Variants in NUMB observed in about 807,000 individuals in gnomAD.
The protein encoded by NUMB is protein numb homolog.
In NUMB, 29 loss-of-function variants were observed where a neutral mutation model predicts 59.7. The ratio of observed to expected loss-of-function variants is 0.49; its 90% confidence interval spans 0.36 to 0.66. NUMB has a LOEUF of 0.66. NUMB is among the 30% of genes least tolerant of loss of function. The probability of loss-of-function intolerance (pLI) is 0.00; values close to 1 mark genes in which losing one functional copy is unlikely to be tolerated. For missense variants in NUMB, 723 were observed against 822.0 expected (o/e 0.88, Z 1.47); for synonymous variants, 288 against 288.2 (o/e 1.00, Z 0.01).
chr14:73,357,276 A>G (rs1893843815), intron 3 of NUMB, among the ~76,000 whole-genome samples: 2 of 151,284 alleles, frequency 1.3e-5, no homozygotes, highest in South Asian at 2.1e-4. Context: ...GGTGGCATGC[A>G]CCTGTGATCC....
rs1172254479 is a variant in NUMB at position 73,350,074 on chromosome 14, T to TACACACACACACACACAC, written c.126+5551_126+5552insGTGTGTGTGTGTGTGTGT. The stretch of plus-strand genomic sequence containing the variant: ...ATACATACATATATACATACATACA[T>TACACACACACACACACAC]ACATACACACACACACACACACACA... On this transcript the variant is annotated intron_variant, in intron 4 of 12. Transcript: ENST00000555238. 8.4e-3 allele frequency among the ~76,000 whole-genome samples: 1,100 copies of TACACACACACACACACAC among 131,010 alleles called. 18 individuals are homozygous for TACACACACACACACACAC. The highest frequency in any genetic ancestry group is 0.032 in the African/African-American group (1,031 of 32,496). 85.9% of individuals were successfully genotyped at this position (131,010 alleles called of 152,430 possible).
intron 8 of NUMB, among the ~76,000 whole-genome samples, chr14:73,292,415 C>T (rs1889460936): frequency 6.6e-6 from 1 of 152,166 alleles, no homozygotes; most frequent in African/African-American, 2.4e-5. Context: ...TGTTAGCCAA[C>T]AAATACATTT....
At chr14:73,329,095 C>T (rs1252413205) in intron 4 of NUMB, among the ~76,000 whole-genome samples, 3 of 152,082 alleles carry the variant, frequency 2.0e-5, no homozygotes, top group Non-Finnish European at 4.4e-5. Context: ...CTGGAACTCC[C>T]GACCTCAGGT....
chr14:73,286,428 T>C (rs1185541951), intron 9 of NUMB: 1 of 152,316 alleles, frequency 6.6e-6, no homozygotes. Context: ...AATTCAAAAG[T>C]ATTTTCAAGC....
chr14:73,325,718 G>A (rs1463440751), intron 4 of NUMB, among the ~76,000 whole-genome samples: 2 of 152,180 alleles, frequency 1.3e-5, no homozygotes, highest in Non-Finnish European at 2.9e-5. Context: ...CTCTAGCTCT[G>A]GTTTGAGGAC....
chr14:73,355,720 T>G lies in NUMB; in HGVS notation c.32A>C (p.Lys11Thr), dbSNP rs761404849. 6.2e-7 allele frequency: 1 copy of G among 1,613,356 alleles called. No individual in the cohort carries two copies. The highest frequency in any genetic ancestry group is 1.1e-5 in the South Asian group (1 of 91,038). Residue 11 changes from lysine (K) to threonine (T), a missense_variant, in exon 4 of 13, where the codon AAG (lysine) becomes ACG (threonine). Lys to Thr is a moderately conservative substitution (Grantham distance 78, BLOSUM62 -1). Coordinates refer to ENST00000555238, the MANE Select transcript of NUMB (RefSeq NM_001005743.2). MNKLRQSFRR[K>T]KDVYVPEASR... Reference sequence around the variant, plus strand: ...GGCCTCTGGAACATAAACATCCTTCTTTCTCCTAAAACTTTGCCGTAATTT... The same window carrying G: ...GGCCTCTGGAACATAAACATCCTTCGTTCTCCTAAAACTTTGCCGTAATTT...
At chr14:73,371,592 T>C (rs1056266893) in intron 2 of NUMB, among the ~76,000 whole-genome samples, 2 of 152,036 alleles carry the variant, frequency 1.3e-5, no homozygotes, top group African/African-American at 2.4e-5. Context: ...CTTAGTTATG[T>C]GTGTTAATTG....
chr14:73,405,435 CTTTT>C (rs56778084), intron 2 of NUMB, among the ~76,000 whole-genome samples: 14 of 127,414 alleles, frequency 1.1e-4, no homozygotes, highest in Non-Finnish European at 1.8e-4. Context: ...TTTTCTTTCT[CTTTT>C]TTTTTTTTTT....
At chr14:73,371,311 T>C (rs768399673) in intron 2 of NUMB, among the ~76,000 whole-genome samples, 10 of 152,004 alleles carry the variant, frequency 6.6e-5, no homozygotes, top group Non-Finnish European at 1.5e-4. Context: ...CCGAGGTGGG[T>C]GGATCACAAG....
chr14:73,433,230 T>C (rs1897908760), intron 1 of NUMB, among the ~76,000 whole-genome samples: 1 of 151,822 alleles, frequency 6.6e-6, no homozygotes, highest in Admixed American at 6.6e-5. Context: ...AAGACCAGTC[T>C]GGCCAACATG....
At chr14:73,350,078 TACACACAC>T (rs71112732) in intron 4 of NUMB, among the ~76,000 whole-genome samples, 2 of 137,768 alleles carry the variant, frequency 1.5e-5, no homozygotes, top group South Asian at 2.5e-4. Context: ...CATACATACA[TACACACAC>T]ACACACACAC....
intron 2 of NUMB, among the ~76,000 whole-genome samples, chr14:73,379,600 C>T (rs1042412137): frequency 3.3e-5 from 5 of 152,112 alleles, no homozygotes; most frequent in Non-Finnish European, 7.3e-5. Context: ...AGTTAAGAGA[C>T]GGCTTCATTT....
Position 73,395,037 on chromosome 14 carries a change from T to TTATGTGTGTGTGTGTG in NUMB, c.-101+14899_-101+14900insCACACACACACACATA, listed in dbSNP as rs1230785169. 3.1e-3 allele frequency among the ~76,000 whole-genome samples: 377 copies of TTATGTGTGTGTGTGTG among 119,992 alleles called. 14 individuals are homozygous for TTATGTGTGTGTGTGTG. Among genetic ancestry groups the TTATGTGTGTGTGTGTG allele is most frequent in the East Asian group, 0.021 (81 of 3,812 alleles). The allele number at this position is 119,992 out of a possible 152,430, so 78.7% of individuals were successfully genotyped here. A position where few individuals can be genotyped will look rare whatever the true frequency, so the allele number is the denominator to read the frequency against. On this transcript the variant is annotated intron_variant, in intron 2 of 12. Coordinates refer to ENST00000555238, the MANE Select transcript of NUMB (RefSeq NM_001005743.2). Reference sequence around the variant, plus strand: ...TTAAGGTTGAATAGTATTCGTGTGTTTGTGTGTGTGTGTGTGTGTGTGTGT... The same window carrying TTATGTGTGTGTGTGTG: ...TTAAGGTTGAATAGTATTCGTGTGTTTATGTGTGTGTGTGTGTGTGTGTGTGTGTGTGTGTGTGTGT...
chr14:73,325,318 T>A (rs1284776984), intron 4 of NUMB, among the ~76,000 whole-genome samples: 1 of 151,800 alleles, frequency 6.6e-6, no homozygotes, highest in Non-Finnish European at 1.5e-5. Flanking sequence ...AATAAAAAAA[T>A]TAGCACACAC....
At chr14:73,339,119 C>T (rs1039584952) in intron 4 of NUMB, among the ~76,000 whole-genome samples, 3 of 152,076 alleles carry the variant, frequency 2.0e-5, no homozygotes, top group African/African-American at 4.8e-5. Context: ...GGGCCATTTA[C>T]GTACTGGATA....
At chr14:73,408,435 GA>G (rs975278933) in intron 2 of NUMB, among the ~76,000 whole-genome samples, 2 of 148,776 alleles carry the variant, frequency 1.3e-5, no homozygotes, top group Non-Finnish European at 3.0e-5. Context: ...AAACAAACAA[GA>G]AAAAAAAAGA....
rs947006495 is a variant in NUMB at position 73,275,478 on chromosome 14, TAAAAC to T, written c.*1095_*1099del. On this transcript the variant is annotated 3_prime_UTR_variant, in exon 13 of 13. Transcript: ENST00000555238. ...ACTCATGGGAACAAAATTTAAAGGA[TAAAAC>T]AAAACCCACCAAGACCCATATTACA... The T allele has an allele frequency of 1.3e-5, 2 of 152,232 alleles. No homozygotes were observed. The highest frequency in any genetic ancestry group is 6.6e-5 in the Admixed American group (1 of 15,266). 9.4% of individuals were successfully genotyped at this position (152,232 alleles called of 1,614,324 possible). A position where few individuals can be genotyped will look rare whatever the true frequency, so the allele number is the denominator to read the frequency against.
chr14:73,369,120 C>A lies in NUMB; in HGVS notation c.-100-2139G>T, dbSNP rs186834078. The stretch of plus-strand genomic sequence containing the variant: ...GCAATGGCACGATCTCAGCTCACTG[C>A]AACCTTTGCCTCCTGGGTTCAAGTG... On this transcript the variant is annotated intron_variant, in intron 2 of 12. Transcript: ENST00000555238. Among the ~76,000 whole-genome samples the A allele has an allele frequency of 6.8e-3, 1,033 of 151,502 alleles. 5 individuals carry two copies. Among genetic ancestry groups the A allele is most frequent in the South Asian group, 0.029 (139 of 4,812 alleles).
chr14:73,441,883 T>TA (rs1232963289), intron 1 of NUMB, among the ~76,000 whole-genome samples: 4 of 150,538 alleles, frequency 2.7e-5, no homozygotes, highest in Admixed American at 6.6e-5. Context: ...AAAACAACAA[T>TA]AAAAAAAATA....
Sources: gnomAD v4.1 joint callset for allele counts (sites outside exome capture counted in the v4.1 genomes callset) on GRCh38, gnomAD v4.1.1 for gene constraint, MANE v1.5 for transcripts, NCBI Gene and HGNC (gene_info 2026-07-23, HGNC 2026-07-21) for gene names.